The following UGT1A6 variants were observed in gnomAD, a reference collection of about 807,000 sequenced individuals.
UGT1A6 encodes UDP glucuronosyltransferase family 1 member A6, also known as UDP-glucuronosyltransferase 1A6.
Under a neutral mutation model 44.4 loss-of-function variants are expected in UGT1A6, and 32 were observed. The ratio of observed to expected loss-of-function variants is 0.72; its 90% confidence interval spans 0.54 to 0.97. The LOEUF is 0.97. Ranked by LOEUF, UGT1A6 falls within the 50% of genes least tolerant of loss-of-function variation. The pLI, the probability that UGT1A6 is intolerant of heterozygous loss-of-function variation, is 0.00. For missense variants in UGT1A6, 685 were observed against 661.9 expected (o/e 1.03, Z -0.38); for synonymous variants, 238 against 248.5 (o/e 0.96, Z 0.40).
At chr2:233,740,826 G>C (rs1278219127) in intron 1 of UGT1A6, 2 of 151,802 alleles carry the variant, frequency 1.3e-5, no homozygotes, top group Non-Finnish European at 2.9e-5. Flanking sequence ...TTTGAGCTGA[G>C]ACATTTTAAA....
chr2:233,719,720 C>T (rs2076799652), intron 1 of UGT1A6: 1 of 1,613,702 alleles, frequency 6.2e-7, no homozygotes, highest in African/African-American at 1.3e-5. Context: ...AATCAATGTT[C>T]CAGGCAAAAC....
chr2:233,772,420 C>T lies in UGT1A6; in HGVS notation c.1460C>T (p.Ser487Phe), dbSNP rs72551360. ...GACCTCACCTGGTACCAGTACCATT[C>T]CTTGGACGTGATTGGTTTCCTCTTG... ...AHDLTWYQYHSLDVIGFLLAV... is the reference protein window; with the variant it reads ...AHDLTWYQYHFLDVIGFLLAV... Residue 487 changes from serine (S) to phenylalanine (F), a missense_variant, in exon 5 of 5, where the codon TCC becomes TTC. By Grantham distance (155) the Ser-to-Phe change is radical. Coordinates refer to ENST00000305139, the MANE Select transcript of UGT1A6 (RefSeq NM_001072.4). The T allele has an allele frequency of 2.3e-5, 37 of 1,614,120 alleles. No homozygotes were observed. Among genetic ancestry groups the T allele is most frequent in the African/African-American group, 8.0e-5 (6 of 74,942 alleles).
intron 1 of UGT1A6, chr2:233,730,016 A>G (rs763607059): frequency 4.4e-5 from 71 of 1,613,718 alleles, no homozygotes; most frequent in Non-Finnish European, 5.8e-5. Flanking sequence ...GCCTTCATCC[A>G]ATCAATGTTC....
chr2:233,738,354 G>C (rs1033187922), intron 1 of UGT1A6, among the ~76,000 whole-genome samples: 1 of 152,188 alleles, frequency 6.6e-6, no homozygotes, highest in Non-Finnish European at 1.5e-5. Flanking sequence ...CATGGAGAGT[G>C]GGGTACTGCT....
intron 1 of UGT1A6, among the ~76,000 whole-genome samples, chr2:233,720,509 A>C (rs1440036500): frequency 1.3e-5 from 2 of 152,082 alleles, no homozygotes; most frequent in Admixed American, 6.6e-5. Flanking sequence ...TCTCAGGTGA[A>C]GCTGATCATA....
Position 233,703,068 on chromosome 2 carries a change from T to C in UGT1A6, c.861+9203T>C, listed in dbSNP as rs370825305. 7.9e-5 allele frequency among the ~76,000 whole-genome samples: 12 copies of C among 152,368 alleles called. No homozygotes were observed. In the East Asian group the frequency reaches 1.5e-3, roughly 20 times the overall value. On this transcript the variant is annotated intron_variant, in intron 1 of 4. Transcript: ENST00000305139. ...TTGATAGAATTCACTAGTGAAGCTG[T>C]CTGGGCCTAGGCTTTTCTTGCAGGA...
intron 1 of UGT1A6, among the ~76,000 whole-genome samples, chr2:233,724,141 C>T (rs1432728282): frequency 6.1e-5 from 7 of 115,170 alleles, no homozygotes; most frequent in African/African-American, 2.0e-4. Context: ...CCGGACGGGG[C>T]GGCTGGCCGG....
At chr2:233,699,979 A>G (rs983427410) in intron 1 of UGT1A6, among the ~76,000 whole-genome samples, 1 of 152,210 alleles carries the variant, frequency 6.6e-6, no homozygotes, top group Non-Finnish European at 1.5e-5. Context: ...CCAACTCCCA[A>G]CAAAGAATTA....
At chr2:233,737,644 A>G (rs548345975) in intron 1 of UGT1A6, among the ~76,000 whole-genome samples, 1 of 152,248 alleles carries the variant, frequency 6.6e-6, no homozygotes, top group Admixed American at 6.5e-5. Context: ...TGCGTCGATC[A>G]TGCTGGGAGC....
intron 1 of UGT1A6, chr2:233,760,795 T>C (rs1035248479): frequency 1.2e-5 from 19 of 1,613,472 alleles, no homozygotes; most frequent in Non-Finnish European, 1.5e-5. Context: ...GCCCACTGTA[T>C]TCTTCTTGCA....
intron 1 of UGT1A6, among the ~76,000 whole-genome samples, chr2:233,739,686 T>A (rs558118355): frequency 4.6e-5 from 7 of 152,354 alleles, no homozygotes; most frequent in Admixed American, 4.6e-4. Context: ...ACTAACTTGT[T>A]TTTGATTTTA....
At position 233,711,373 on chromosome 2, in the gene UGT1A6, G is replaced by A. The variant is rs28898592; in HGVS notation, c.861+17508G>A. On this transcript the variant is annotated intron_variant, in intron 1 of 4. Transcript: ENST00000305139. ...GGGGAGCCCCCTGAATGTGGTGAGA[G>A]CACCCTCCCAGGTGTGTTCCACCCT... is the stretch of plus-strand genomic sequence containing the variant. Among the ~76,000 whole-genome samples the A allele has an allele frequency of 3.7e-3, 562 of 152,368 alleles. 5 individuals are homozygous for A. Among genetic ancestry groups the A allele is most frequent in the African/African-American group, 0.013 (535 of 41,588 alleles).
chr2:233,743,781 A>C (rs757688108), intron 1 of UGT1A6: 2 of 1,366,938 alleles, frequency 1.5e-6, no homozygotes, highest in Non-Finnish European at 2.0e-6. Flanking sequence ...ACCTGCTTGA[A>C]TCTCCTCTCC....
intron 1 of UGT1A6, among the ~76,000 whole-genome samples, chr2:233,735,108 G>A (rs1171222877): frequency 3.9e-5 from 6 of 152,182 alleles, no homozygotes; most frequent in Non-Finnish European, 8.8e-5. Context: ...AATATCGACA[G>A]TGGGATGTTA....
intron 1 of UGT1A6, chr2:233,761,239 G>A (rs147865713): frequency 6.2e-7 from 1 of 1,612,198 alleles, no homozygotes; most frequent in Admixed American, 1.7e-5. Context: ...TATATGCTGA[G>A]CAAGCATTCT....
At chr2:233,730,970 C>A (rs1362150933) in intron 1 of UGT1A6, among the ~76,000 whole-genome samples, 1 of 152,154 alleles carries the variant, frequency 6.6e-6, no homozygotes. Context: ...ACTCTGGGAC[C>A]TGAATATTGT....
At chr2:233,730,055 T>G in intron 1 of UGT1A6, 1 of 1,611,964 alleles carries the variant, frequency 6.2e-7, no homozygotes, top group Non-Finnish European at 8.5e-7. Context: ...AAAAAATGTA[T>G]TTATTTAAAA....
chr2:233,707,291 A>G (rs1422341109), intron 1 of UGT1A6, among the ~76,000 whole-genome samples: 1 of 152,142 alleles, frequency 6.6e-6, no homozygotes, highest in Non-Finnish European at 1.5e-5. Context: ...GCACACATGC[A>G]GGATGTGCAG....
At position 233,769,521 on chromosome 2, in the gene UGT1A6, C is replaced by A. The variant is rs753723506; in HGVS notation, c.1301+1082C>A. The A allele has an allele frequency of 4.3e-6, 7 of 1,612,800 alleles. No homozygotes were observed. The East Asian group carries it at 1.6e-4, about 36-fold the overall frequency. On this transcript the variant is annotated intron_variant, in intron 4 of 4. Transcript: ENST00000305139. The surrounding 1 kb of genome is among the most constrained non-coding windows in gnomAD (Gnocchi z 4.4). ...TGTCCATTGCTTTCTCCCATGGTTACCTCCTTTAGAAAGAAGCAGCAGTCA... is the reference window on the plus strand; with the variant it reads ...TGTCCATTGCTTTCTCCCATGGTTAACTCCTTTAGAAAGAAGCAGCAGTCA...
Sources: gnomAD v4.1 joint callset for allele counts (sites outside exome capture counted in the v4.1 genomes callset) on GRCh38, gnomAD v4.1.1 for gene constraint, Gnocchi (gnomAD v3.1) non-coding constraint, MANE v1.5 for transcripts, NCBI Gene and HGNC (gene_info 2026-07-23, HGNC 2026-07-21) for gene names.